Variants in DOCK7 observed in about 807,000 individuals in gnomAD.
DOCK7 encodes dedicator of cytokinesis 7.
A neutral mutation model predicts 271.0 loss-of-function variants in DOCK7; 138 were observed. That is an observed-to-expected ratio of 0.51 (90% confidence interval 0.44 to 0.59). The LOEUF (loss-of-function observed/expected upper bound fraction) is 0.59. DOCK7 is among the 20% of genes least tolerant of loss of function. The pLI is 0.00. For missense variants in DOCK7, 2,066 were observed against 2,592.4 expected (o/e 0.80, Z 4.41); for synonymous variants, 823 against 876.1 (o/e 0.94, Z 1.07).
chr1:62,658,485 T>C lies in DOCK7; in HGVS notation c.145-4326A>G, dbSNP rs182134245. On this transcript the variant is annotated intron_variant, in intron 2 of 49. Coordinates refer to ENST00000635253, the MANE Select transcript of DOCK7 (RefSeq NM_001367561.1). ...CAAAATAAAATAAAATAAAACAAAATCTTGAAAGCAGTGAGGAGAAAACGA... is the reference window on the plus strand; with the variant it reads ...CAAAATAAAATAAAATAAAACAAAACCTTGAAAGCAGTGAGGAGAAAACGA... 5.3e-5 allele frequency among the ~76,000 whole-genome samples: 8 copies of C among 151,238 alleles called. No individual in the cohort carries two copies. The East Asian group carries it at 1.6e-3, about 30-fold the overall frequency.
intron 21 of DOCK7, 64 bp downstream of exon 21, chr1:62,555,761 T>C (rs963056185): frequency 6.5e-7 from 1 of 1,528,264 alleles, no homozygotes; most frequent in East Asian, 2.3e-5. Flanking sequence ...TACAAAATTA[T>C]CTCAATACTG....
At chr1:62,635,162 G>A (rs1374403654) in intron 8 of DOCK7, 3 of 301,554 alleles carry the variant, frequency 9.9e-6, no homozygotes, top group African/African-American at 6.5e-5. Context: ...TCTACAGATA[G>A]TAGGATATTA....
chr1:62,640,043 A>G (rs1179795952), intron 7 of DOCK7, among the ~76,000 whole-genome samples: 2 of 152,148 alleles, frequency 1.3e-5, no homozygotes, highest in Non-Finnish European at 2.9e-5. Context: ...CTCAATGGCT[A>G]TTATGCTGCA....
chr1:62,604,304 A>G, intron 14 of DOCK7: 1 of 1,566,428 alleles, frequency 6.4e-7, no homozygotes, highest in Non-Finnish European at 8.7e-7. Flanking sequence ...ATTAGCTATT[A>G]TCTGCAATGA....
At chr1:62,512,872 C>T (rs1644529611) in intron 33 of DOCK7, among the ~76,000 whole-genome samples, 1 of 151,764 alleles carries the variant, frequency 6.6e-6, no homozygotes, top group Admixed American at 6.6e-5. Context: ...AATCACACGA[C>T]TGCACTCCAG....
At chr1:62,646,741 G>A (rs1656717203) in intron 7 of DOCK7, among the ~76,000 whole-genome samples, 1 of 152,164 alleles carries the variant, frequency 6.6e-6, no homozygotes, top group Non-Finnish European at 1.5e-5. Flanking sequence ...ATGGTATTTT[G>A]TTATAGCAGC....
intron 21 of DOCK7, among the ~76,000 whole-genome samples, chr1:62,553,350 ATATATTTTTTTTTTTT>A (rs1646012204): frequency 9.4e-4 from 14 of 14,870 alleles, no homozygotes; most frequent in South Asian, 3.5e-3. Flanking sequence ...ATATATATAT[ATATATTTTTTTTTTTT>A]TTTTTTTTTT....
chr1:62,672,631 G>A (rs1266862826), intron 1 of DOCK7, among the ~76,000 whole-genome samples: 2 of 152,114 alleles, frequency 1.3e-5, no homozygotes, highest in African/African-American at 4.8e-5. Flanking sequence ...TAAGTTCTAT[G>A]AGGCAGAGAT....
intron 37 of DOCK7, among the ~76,000 whole-genome samples, chr1:62,497,353 C>G (rs1256255565): frequency 6.6e-6 from 1 of 152,146 alleles, no homozygotes; most frequent in Admixed American, 6.5e-5. Flanking sequence ...CTGTCTCCAG[C>G]TGATATTTGT....
At chr1:62,601,122 T>C (rs1329749017) in intron 14 of DOCK7, 10 of 1,610,278 alleles carry the variant, frequency 6.2e-6, no homozygotes, top group Non-Finnish European at 6.8e-6. Context: ...GAAATTTCTC[T>C]ATCTTCCAAG....
chr1:62,552,657 C>A, intron 22 of DOCK7, 75 bp downstream of exon 22: 1 of 1,409,162 alleles, frequency 7.1e-7, no homozygotes, highest in East Asian at 2.4e-5. Flanking sequence ...ATTCAGAATA[C>A]ATTACAACAA....
At chr1:62,575,887 C>T (rs936301588) in intron 18 of DOCK7, among the ~76,000 whole-genome samples, 73 of 152,166 alleles carry the variant, frequency 4.8e-4, no homozygotes, top group African/African-American at 1.6e-3. Context: ...TCCTTAACTT[C>T]AACAAAAATA....
intron 1 of DOCK7, among the ~76,000 whole-genome samples, chr1:62,681,542 AAAAAAAAT>A (rs1557903106): frequency 5.4e-5 from 1 of 18,356 alleles, no homozygotes; most frequent in African/African-American, 8.5e-5. Context: ...AATAAAAAAT[AAAAAAAAT>A]AAAATAAAAA....
intron 14 of DOCK7, among the ~76,000 whole-genome samples, chr1:62,593,044 C>T (rs767564276): frequency 5.9e-5 from 9 of 151,910 alleles, no homozygotes; most frequent in Non-Finnish European, 8.8e-5. Flanking sequence ...TTAAAAAGGA[C>T]GTGGTAACTC....
chr1:62,605,162 C>A, intron 14 of DOCK7: 1 of 219,962 alleles, frequency 4.5e-6, no homozygotes. Flanking sequence ...ATCATATGAG[C>A]TAATATCACA....
At chr1:62,485,272 C>T (rs547642699) in intron 43 of DOCK7, 35 of 985,252 alleles carry the variant, frequency 3.6e-5, no homozygotes, top group Middle Eastern at 5.2e-4. Context: ...ACATGACTCC[C>T]GAAAGGTTCA....
Position 62,659,853 on chromosome 1 carries a change from G to T in DOCK7, c.144+3172C>A, listed in dbSNP as rs148577909. 6.6e-5 allele frequency among the ~76,000 whole-genome samples: 10 copies of T among 152,264 alleles called. No homozygotes were observed. In the East Asian group the frequency reaches 1.9e-3, roughly 29 times the overall value. On this transcript the variant is annotated intron_variant, in intron 2 of 49. Transcript: ENST00000635253. ...AAAAGGAATGATCCAAGAGGACATA[G>T]CAATCTTAAATGTGTATGTACTAAA... is the stretch of plus-strand genomic sequence containing the variant.
chr1:62,671,497 T>A (rs1444449020), intron 1 of DOCK7, among the ~76,000 whole-genome samples: 1 of 151,988 alleles, frequency 6.6e-6, no homozygotes, highest in Non-Finnish European at 1.5e-5. Flanking sequence ...GAGAAACAGA[T>A]ATAAGAATTT....
intron 16 of DOCK7, among the ~76,000 whole-genome samples, chr1:62,582,169 C>G (rs910956598): frequency 6.6e-6 from 1 of 152,060 alleles, no homozygotes; most frequent in Admixed American, 6.6e-5. Flanking sequence ...AATAGGAATG[C>G]TGAGAGTAAA....
Sources: gnomAD v4.1 joint callset for allele counts (sites outside exome capture counted in the v4.1 genomes callset) on GRCh38, gnomAD v4.1.1 for gene constraint, MANE v1.5 for transcripts, NCBI Gene and HGNC (gene_info 2026-07-23, HGNC 2026-07-21) for gene names.